RAI1: variants seen among roughly 807,000 people sequenced by gnomAD.
RAI1 encodes the protein retinoic acid-induced protein 1.
Under a neutral mutation model 123.8 loss-of-function variants are expected in RAI1, and 9 were observed. The ratio of observed to expected loss-of-function variants is 0.07; its 90% CI spans 0.04 to 0.13. RAI1 has a LOEUF of 0.13. Ranked by LOEUF, RAI1 falls within the 10% of genes least tolerant of loss-of-function variation. The pLI, the probability that RAI1 is intolerant of heterozygous loss-of-function variation, is 1.00. For missense variants in RAI1, 2,256 were observed against 2,545.8 expected, an observed-to-expected ratio of 0.89 and a Z score of 2.45; for synonymous variants, 1,231 against 1,127.3, an observed-to-expected ratio of 1.09 and a Z score of -1.84.
rs543565255 is a variant in RAI1, at chr17:17,695,521, TTC to T, written c.-149+13738_-149+13739del. The stretch of plus-strand genomic sequence containing the variant: ...ACAGCCGCCTTCTTTCCCCTGGTCT[TTC>T]TCTCTCTCTTTTTTTTTTTTTGAGC... On this transcript the variant is annotated intron_variant, in intron 1 of 5. Transcript: ENST00000353383. Among the ~76,000 whole-genome samples the T allele has an allele frequency of 1.4e-4, 21 of 145,186 alleles. No individual in the cohort carries two copies. The South Asian group carries it at 1.7e-3, about 12-fold the overall frequency.
intron 2 of RAI1, among the ~76,000 whole-genome samples, chr17:17,752,785 A>G (rs1009399250): frequency 2.6e-5 from 4 of 151,232 alleles, no homozygotes; most frequent in African/African-American, 9.7e-5. Flanking sequence ...CCGATTCCTC[A>G]CCCCCTCAGG....
At chr17:17,747,230 G>A (rs2029960098) in intron 2 of RAI1, among the ~76,000 whole-genome samples, 3 of 152,104 alleles carry the variant, frequency 2.0e-5, no homozygotes, top group Admixed American at 2.0e-4. Flanking sequence ...AGAAGAAATG[G>A]AGACAGCTCA....
At chr17:17,723,867 T>C (rs1022424590) in intron 1 of RAI1, among the ~76,000 whole-genome samples, 161 bp from the exon 2 acceptor site, 10 of 147,930 alleles carry the variant, frequency 6.8e-5, no homozygotes, top group Non-Finnish European at 1.5e-4. Context: ...CTGTGAATAA[T>C]GGCTACTGAG....
chr17:17,734,266 C>T, intron 2 of RAI1, among the ~76,000 whole-genome samples: 1 of 148,668 alleles, frequency 6.7e-6, no homozygotes, highest in Non-Finnish European at 1.5e-5. Context: ...CATAGCGAGA[C>T]CCTCTCTCTA....
At chr17:17,786,807 C>T (rs1469674686) in intron 2 of RAI1, among the ~76,000 whole-genome samples, 2 of 152,226 alleles carry the variant, frequency 1.3e-5, no homozygotes, top group Admixed American at 6.5e-5. Flanking sequence ...GGAGTGGTGG[C>T]TCACGCCTGT....
rs1429603517 is a variant in RAI1, at chr17:17,746,234, G to A, written c.-17+22075G>A. On this transcript the variant is annotated intron_variant, in intron 2 of 5. Coordinates refer to ENST00000353383, the MANE Select transcript of RAI1 (RefSeq NM_030665.4). ...CACCGTGCCCCCACTCGCCATCTCC[G>A]ATGCTCAGCTGCTCCCCAGAATGAA... Among the ~76,000 whole-genome samples the A allele has an allele frequency of 5.3e-5, 8 of 152,322 alleles. No individual in the cohort carries two copies. The East Asian group carries it at 5.8e-4, about 11-fold the overall frequency.
intron 2 of RAI1, among the ~76,000 whole-genome samples, chr17:17,781,332 G>T (rs1345991425): frequency 6.6e-6 from 1 of 152,210 alleles, no homozygotes; most frequent in African/African-American, 2.4e-5. Context: ...CCAGGATTGG[G>T]CACGGAGCAG....
intron 2 of RAI1, among the ~76,000 whole-genome samples, chr17:17,725,330 G>A (rs1267543762): frequency 1.3e-5 from 2 of 152,158 alleles, no homozygotes; most frequent in African/African-American, 4.8e-5. Context: ...GTGACGAAGT[G>A]TTTGTCTCCT....
intron 1 of RAI1, among the ~76,000 whole-genome samples, chr17:17,715,860 G>A (rs1202732392): frequency 6.6e-6 from 1 of 152,200 alleles, no homozygotes; most frequent in Non-Finnish European, 1.5e-5. Flanking sequence ...CCTGGGAATC[G>A]TACATATTCT....
chr17:17,726,699 T>C (rs1400058569), intron 2 of RAI1, among the ~76,000 whole-genome samples: 1 of 149,580 alleles, frequency 6.7e-6, no homozygotes, highest in Non-Finnish European at 1.5e-5. Context: ...TTGAAATATA[T>C]ATTGTAAAAT....
chr17:17,786,120 TC>T (rs35385655), intron 2 of RAI1, among the ~76,000 whole-genome samples: 182 of 151,078 alleles, frequency 1.2e-3, no homozygotes, highest in African/African-American at 2.9e-3. Flanking sequence ...CTGCTGCCCC[TC>T]CCCCCCCACT....
rs2032451635 is a variant in RAI1, at chr17:17,801,223, G to T, written c.5566-2533G>T. ...GACCCCTACCTCCTATCCAGATGGA[G>T]CCTGGCCATGGAATGCTTGGGGTGA... On this transcript the variant is annotated intron_variant, in intron 3 of 5. Coordinates refer to ENST00000353383, the MANE Select transcript of RAI1 (RefSeq NM_030665.4). The surrounding 1 kb of genome is among the most constrained non-coding windows in gnomAD (Gnocchi z 4.1). Among the ~76,000 whole-genome samples, 1 of 152,118 alleles carries T rather than the reference G, an allele frequency of 6.6e-6. No homozygotes were observed. The highest frequency in any genetic ancestry group is 1.5e-5 in the Non-Finnish European group (1 of 68,022).
At chr17:17,715,812 G>A (rs1915695368) in intron 1 of RAI1, among the ~76,000 whole-genome samples, 1 of 152,154 alleles carries the variant, frequency 6.6e-6, no homozygotes, top group African/African-American at 2.4e-5. Context: ...GCCCCTTTGC[G>A]GGTGTGAACT....
intron 4 of RAI1, among the ~76,000 whole-genome samples, chr17:17,804,806 G>A (rs1158451960): frequency 6.6e-6 from 1 of 152,068 alleles, no homozygotes; most frequent in African/African-American, 2.4e-5. Context: ...CCACAGATGT[G>A]CGCAGCCATG....
At chr17:17,700,260 CT>C (rs929090596) in intron 1 of RAI1, among the ~76,000 whole-genome samples, 2 of 152,190 alleles carry the variant, frequency 1.3e-5, no homozygotes, top group African/African-American at 4.8e-5. Flanking sequence ...CCTGTGAAAC[CT>C]CTGGCTCTCG....
intron 2 of RAI1, among the ~76,000 whole-genome samples, chr17:17,783,332 C>T (rs1244479236): frequency 6.6e-6 from 1 of 151,540 alleles, no homozygotes; most frequent in Non-Finnish European, 1.5e-5. Context: ...TTGCTGGGGT[C>T]AGCGGGCTGG....
chr17:17,783,563 C>T (rs1399799120), intron 2 of RAI1, among the ~76,000 whole-genome samples: 1 of 152,182 alleles, frequency 6.6e-6, no homozygotes, highest in African/African-American at 2.4e-5. Context: ...GCAACAACCC[C>T]CACACACCCT....
chr17:17,748,902 AC>A (rs888366906), intron 2 of RAI1, among the ~76,000 whole-genome samples: 3 of 151,716 alleles, frequency 2.0e-5, no homozygotes, highest in Non-Finnish European at 4.4e-5. Flanking sequence ...CTCTAGCTGC[AC>A]CCCCCTCCCT....
At chr17:17,700,298 G>A (rs1915174436) in intron 1 of RAI1, among the ~76,000 whole-genome samples, 1 of 152,118 alleles carries the variant, frequency 6.6e-6, no homozygotes, top group Admixed American at 6.5e-5. Flanking sequence ...CCTGAGACGA[G>A]GTCAAGCTCC....
Sources: allele counts gnomAD v4.1 joint callset (sites outside exome capture counted in the v4.1 genomes callset), GRCh38; gene constraint gnomAD v4.1.1; non-coding constraint Gnocchi (gnomAD v3.1); transcripts MANE v1.5; gene names NCBI Gene and HGNC (gene_info 2026-07-23, HGNC 2026-07-21).